The following ARHGAP26 variants were observed in gnomAD, a reference collection of about 807,000 sequenced individuals.
ARHGAP26 encodes the protein rho GTPase-activating protein 26.
ARHGAP26 carries 38 observed loss-of-function variants against 104.8 expected under a neutral mutation model. The ratio of observed to expected loss-of-function variants is 0.36; its 90% CI spans 0.28 to 0.48. ARHGAP26 has a LOEUF of 0.48. Among genes scored for constraint, ARHGAP26 ranks in the 20% least tolerant of loss-of-function variants. ARHGAP26 has a pLI of 0.99. For synonymous variants in ARHGAP26, 341 were observed against 340.0 expected, an observed-to-expected ratio of 1.00 and a Z score of -0.03; for missense variants, 704 against 947.9, an observed-to-expected ratio of 0.74 and a Z score of 3.38.
chr5:143,200,564 G>A (rs560583083), intron 20 of ARHGAP26, among the ~76,000 whole-genome samples: 8 of 151,884 alleles, frequency 5.3e-5, no homozygotes, highest in Non-Finnish European at 1.2e-4. Flanking sequence ...GGAAAAAAAG[G>A]AGGGTATTAA....
intron 11 of ARHGAP26, among the ~76,000 whole-genome samples, chr5:142,995,092 G>T (rs1051672168): frequency 6.6e-6 from 1 of 152,160 alleles, no homozygotes; most frequent in African/African-American, 2.4e-5. Flanking sequence ...CACCATTCAG[G>T]ACATAGGCAT....
At chr5:143,177,324 A>G (rs563854128) in intron 20 of ARHGAP26, among the ~76,000 whole-genome samples, 1 of 152,318 alleles carries the variant, frequency 6.6e-6, no homozygotes, top group African/African-American at 2.4e-5. Context: ...AAATGAAGGA[A>G]TCAGCTTCTC....
intron 11 of ARHGAP26, among the ~76,000 whole-genome samples, chr5:142,934,423 T>C (rs1765137309): frequency 6.6e-6 from 1 of 152,228 alleles, no homozygotes; most frequent in Non-Finnish European, 1.5e-5. Context: ...CACACTTCTG[T>C]GTGCTTTTTA....
chr5:142,890,150 A>T (rs1758361601), intron 5 of ARHGAP26, among the ~76,000 whole-genome samples: 1 of 70,962 alleles, frequency 1.4e-5, no homozygotes, highest in Non-Finnish European at 2.6e-5. Context: ...AAAAAAAAAA[A>T]AATATATATA....
chr5:143,112,777 A>G (rs1446587213), intron 17 of ARHGAP26, among the ~76,000 whole-genome samples: 1 of 152,218 alleles, frequency 6.6e-6, no homozygotes, highest in Non-Finnish European at 1.5e-5. Context: ...ATGTCATAGT[A>G]TATGCTAGAA....
chr5:143,084,764 C>T (rs3822388), intron 17 of ARHGAP26, among the ~76,000 whole-genome samples: 13 of 151,884 alleles, frequency 8.6e-5, no homozygotes, highest in East Asian at 1.9e-4. Flanking sequence ...ATACTTTCTC[C>T]GCTGGGCGCG....
At chr5:142,989,245 A>G (rs1258142067) in intron 11 of ARHGAP26, among the ~76,000 whole-genome samples, 10 of 152,030 alleles carry the variant, frequency 6.6e-5, no homozygotes, top group African/African-American at 9.7e-5. Context: ...CCATTATGTA[A>G]TGGCCTTCTT....
rs113983657 is a variant in ARHGAP26 at position 142,903,533 on chromosome 5, A to G, written c.703-7A>G. 1.9e-6 allele frequency: 3 copies of G among 1,611,780 alleles called. No homozygotes were observed. Among genetic ancestry groups the G allele is most frequent in the Non-Finnish European group, 2.5e-6 (3 of 1,179,188 alleles). On this transcript the variant is annotated splice_region_variant and splice_polypyrimidine_tract_variant and intron_variant, in intron 7 of 22. Coordinates refer to ENST00000645722, the MANE Select transcript of ARHGAP26 (RefSeq NM_001135608.3). ...CTTTGATTTGAATAAAATTATTTTC[A>G]TCCTAGACAAGAAATCGCTTTGAAG...
At chr5:142,913,902 C>T (rs1029206959) in intron 10 of ARHGAP26, among the ~76,000 whole-genome samples, 2 of 152,130 alleles carry the variant, frequency 1.3e-5, no homozygotes, top group African/African-American at 4.8e-5. Flanking sequence ...TGGTGTTAAG[C>T]TAGTTTGACA....
At chr5:143,028,658 C>T (rs954198583) in intron 12 of ARHGAP26, among the ~76,000 whole-genome samples, 3 of 152,052 alleles carry the variant, frequency 2.0e-5, no homozygotes, top group Admixed American at 2.0e-4. Context: ...TTGAGTTATC[C>T]CCATTATACA....
intron 1 of ARHGAP26, among the ~76,000 whole-genome samples, chr5:142,851,305 C>T (rs1455621246): frequency 2.0e-5 from 3 of 152,096 alleles, no homozygotes; most frequent in Non-Finnish European, 2.9e-5. Flanking sequence ...CCATGTTGGC[C>T]AGGCTGGTCT....
intron 1 of ARHGAP26, among the ~76,000 whole-genome samples, chr5:142,862,618 G>A (rs1439162520): frequency 1.3e-5 from 2 of 152,192 alleles, no homozygotes; most frequent in Non-Finnish European, 2.9e-5. Flanking sequence ...GTTTAACCAA[G>A]TTCTGGGTTC....
chr5:142,951,061 C>T (rs1467933712), intron 11 of ARHGAP26, among the ~76,000 whole-genome samples: 1 of 143,328 alleles, frequency 7.0e-6, no homozygotes, highest in Admixed American at 7.1e-5. Context: ...TCCCCTTCCC[C>T]CTCCCCTTCC....
chr5:142,852,151 G>T (rs969080298), intron 1 of ARHGAP26, among the ~76,000 whole-genome samples: 1 of 152,238 alleles, frequency 6.6e-6, no homozygotes, highest in African/African-American at 2.4e-5. Flanking sequence ...AAAGAGAAAA[G>T]AAAGAGTGAG....
chr5:143,155,019 T>C (rs1800306054), intron 20 of ARHGAP26, among the ~76,000 whole-genome samples: 1 of 152,190 alleles, frequency 6.6e-6, no homozygotes, highest in South Asian at 2.1e-4. Context: ...CAACTTTTTG[T>C]GGAGAAGGAT....
In ARHGAP26 at chr5:143,123,532, A is replaced by G. The variant is rs753175795; in HGVS notation, c.1698+2385A>G. On this transcript the variant is annotated intron_variant, in intron 18 of 22. Coordinates refer to ENST00000645722, the MANE Select transcript of ARHGAP26 (RefSeq NM_001135608.3). ...AGAGCAATTTTATGTCCTCAGAAGG[A>G]TGTTGTCGGAGACTTACTCTTTAAA... Among the ~76,000 whole-genome samples, 3 of 152,230 alleles carry G rather than the reference A, an allele frequency of 2.0e-5. No individual in the cohort carries two copies. In the South Asian group the frequency reaches 6.2e-4, roughly 32 times the overall value.
chr5:143,046,743 C>T (rs1036564967), intron 14 of ARHGAP26, among the ~76,000 whole-genome samples: 1 of 152,142 alleles, frequency 6.6e-6, no homozygotes. Flanking sequence ...TATACTTGTT[C>T]AGTGTATGTC....
Position 143,121,219 on chromosome 5 carries a change from G to A in ARHGAP26, c.1698+72G>A, listed in dbSNP as rs111596425. 2.0e-5 allele frequency: 31 copies of A among 1,513,384 alleles called. 1 individual carries two copies. The highest frequency in any genetic ancestry group is 1.5e-4 in the African/African-American group (11 of 72,738). The allele number at this position is 1,513,384 out of a possible 1,614,324, so 93.7% of individuals were successfully genotyped here. ...AGCTGCATTGGAATTGACCTTCAGA[G>A]TTGGCTCAGATTTGCATTGCTAATC... On this transcript the variant is annotated intron_variant, in intron 18 of 22. Transcript: ENST00000645722.
intron 11 of ARHGAP26, among the ~76,000 whole-genome samples, chr5:143,012,715 G>A (rs898290424): frequency 6.0e-5 from 9 of 149,052 alleles, no homozygotes; most frequent in Non-Finnish European, 1.3e-4. Flanking sequence ...GTGCAGTGGC[G>A]TGATCTCGGC....
Sources: allele counts gnomAD v4.1 joint callset (sites outside exome capture counted in the v4.1 genomes callset), GRCh38; gene constraint gnomAD v4.1.1; transcripts MANE v1.5; gene names NCBI Gene and HGNC (gene_info 2026-07-23, HGNC 2026-07-21).